Variants in NRP1 observed in about 807,000 individuals in gnomAD.
The protein encoded by NRP1 is neuropilin 1.
Under a neutral mutation model 106.7 loss-of-function variants are expected in NRP1, and 35 were observed. That is an observed-to-expected ratio of 0.33 (90% confidence interval 0.25 to 0.43). The LOEUF (loss-of-function observed/expected upper bound fraction) is 0.43, where lower values mean the gene tolerates loss of function less well. Ranked by LOEUF, NRP1 falls within the 20% of genes least tolerant of loss-of-function variation. The pLI is 1.00. For missense variants in NRP1, 1,024 were observed against 1,170.4 expected (o/e 0.87, Z 1.83); for synonymous variants, 437 against 417.9 (o/e 1.05, Z -0.56).
At chr10:33,334,164 C>T in intron 1 of NRP1, 146 bp downstream of exon 1, 1 of 701,160 alleles carries the variant, frequency 1.4e-6, no homozygotes, top group South Asian at 1.8e-5. Context: ...CTCATTTCTT[C>T]TTCTCTCCTC....
intron 9 of NRP1, among the ~76,000 whole-genome samples, chr10:33,209,793 T>C (rs1838148893): frequency 6.6e-6 from 1 of 152,242 alleles, no homozygotes; most frequent in African/African-American, 2.4e-5. Context: ...CTGATTTTAA[T>C]AGGTGAAAAC....
chr10:33,241,695 G>T (rs1424120276), intron 6 of NRP1, among the ~76,000 whole-genome samples: 1 of 151,100 alleles, frequency 6.6e-6, no homozygotes, highest in African/African-American at 2.4e-5. Flanking sequence ...AGAAAAAATA[G>T]GGCTAAGGCA....
At chr10:33,306,130 A>G (rs1218829408) in intron 2 of NRP1, among the ~76,000 whole-genome samples, 2 of 152,164 alleles carry the variant, frequency 1.3e-5, no homozygotes, top group Non-Finnish European at 2.9e-5. Context: ...GTGATTGTTT[A>G]TATTAATTTG....
At chr10:33,198,149 T>TATTA (rs1836939167) in intron 11 of NRP1, among the ~76,000 whole-genome samples, 2 of 131,990 alleles carry the variant, frequency 1.5e-5, no homozygotes, top group East Asian at 2.9e-4. Context: ...TTTAAATTTT[T>TATTA]TTTTTTTTTT....
intron 2 of NRP1, among the ~76,000 whole-genome samples, chr10:33,272,643 C>A (rs1843387835): frequency 6.6e-6 from 1 of 152,148 alleles, no homozygotes; most frequent in Non-Finnish European, 1.5e-5. Context: ...TTCATTAAAG[C>A]CCCACAAGCT....
At chr10:33,260,985 CAAAAA>C (rs35665366) in intron 4 of NRP1, among the ~76,000 whole-genome samples, 2 of 60,076 alleles carry the variant, frequency 3.3e-5, no homozygotes, top group East Asian at 1.1e-3. Context: ...TGCCATTGAC[CAAAAA>C]AAAAAAAAAA....
intron 12 of NRP1, chr10:33,195,356 A>G (rs1836706014): frequency 2.7e-6 from 1 of 363,812 alleles, no homozygotes; most frequent in Admixed American, 3.6e-5. Flanking sequence ...AAATGTAAGG[A>G]TCCCATCACT....
chr10:33,247,616 C>G (rs991684598), intron 6 of NRP1, among the ~76,000 whole-genome samples: 1 of 152,206 alleles, frequency 6.6e-6, no homozygotes, highest in Non-Finnish European at 1.5e-5. Context: ...CTCCGAATAG[C>G]TGGCATGAGA....
chr10:33,326,964 AT>A lies in NRP1; in HGVS notation c.248+3743del, dbSNP rs1328223581. Among the ~76,000 whole-genome samples the A allele has an allele frequency of 7.2e-3, 1,099 of 152,110 alleles. 24 individuals carry two copies. Among genetic ancestry groups the A allele is most frequent in the African/African-American group, 0.024 (1,011 of 41,518 alleles). The stretch of plus-strand genomic sequence containing the variant: ...AAAACAATAAAAATCTAAATAAAAA[AT>A]TTTTTTTTTTCTACCAGGACTATGT... On this transcript the variant is annotated intron_variant, in intron 2 of 16. Transcript: ENST00000374867.
At chr10:33,218,504 C>A (rs898718207) in intron 8 of NRP1, among the ~76,000 whole-genome samples, 7 of 151,882 alleles carry the variant, frequency 4.6e-5, no homozygotes, top group Admixed American at 3.3e-4. Flanking sequence ...TGCCACCACA[C>A]CTGGGTAATT....
chr10:33,195,677 A>G (rs886514020), intron 12 of NRP1: 4 of 459,256 alleles, frequency 8.7e-6, no homozygotes, highest in Admixed American at 7.6e-5. Context: ...TCAAGTCCCC[A>G]TGCAATATTC....
At chr10:33,326,637 T>C (rs928418339) in intron 2 of NRP1, among the ~76,000 whole-genome samples, 3 of 152,190 alleles carry the variant, frequency 2.0e-5, no homozygotes, top group African/African-American at 4.8e-5. Flanking sequence ...TCTTGTTCAA[T>C]AAAAGAATTA....
intron 13 of NRP1, among the ~76,000 whole-genome samples, chr10:33,189,409 C>G (rs1836256634): frequency 6.6e-6 from 1 of 152,218 alleles, no homozygotes. Context: ...CCTCTTCCGT[C>G]ATCTTTTACA....
chr10:33,254,057 C>T lies in NRP1; in HGVS notation c.952G>A (p.Gly318Arg), dbSNP rs779844067. 43 of 1,612,530 alleles carry T rather than the reference C, an allele frequency of 2.7e-5. No individual in the cohort carries two copies. Among genetic ancestry groups the T allele is most frequent in the African/African-American group, 5.3e-5 (4 of 74,808 alleles). The change falls in exon 6 of 17, where the codon GGA becomes AGA. Residue 318 changes from glycine to arginine, a missense_variant. Coordinates refer to ENST00000374867, the MANE Select transcript of NRP1 (RefSeq NM_003873.7). ...ATCCACTCTCGGTAGGAATCCTCTC[C>T]GGGAGTCCACCCATTCTCAGGGTAG... ...LNYPENGWTP[G>R]EDSYREWIQV...
chr10:33,326,964 ATT>A (rs1328223581), intron 2 of NRP1, among the ~76,000 whole-genome samples: 1 of 152,002 alleles, frequency 6.6e-6, no homozygotes, highest in Non-Finnish European at 1.5e-5. Context: ...TAAATAAAAA[ATT>A]TTTTTTTTTC....
At chr10:33,316,167 TGCAATC>T (rs1847020793) in intron 2 of NRP1, among the ~76,000 whole-genome samples, 1 of 152,200 alleles carries the variant, frequency 6.6e-6, no homozygotes, top group South Asian at 2.1e-4. Flanking sequence ...TGGAGGCTGA[TGCAATC>T]GCTCCAGGGA....
chr10:33,237,531 T>C (rs1415085948), intron 6 of NRP1, among the ~76,000 whole-genome samples: 1 of 149,440 alleles, frequency 6.7e-6, no homozygotes, highest in Non-Finnish European at 1.5e-5. Flanking sequence ...CCCACCCAAT[T>C]GCTTACATTT....
intron 2 of NRP1, among the ~76,000 whole-genome samples, chr10:33,283,620 T>C (rs1440742560): frequency 1.3e-5 from 2 of 152,246 alleles, no homozygotes; most frequent in African/African-American, 4.8e-5. Flanking sequence ...TTTTACATGA[T>C]TTTGTTTCTT....
intron 2 of NRP1, among the ~76,000 whole-genome samples, chr10:33,293,843 A>G (rs1259732497): frequency 2.0e-5 from 3 of 152,228 alleles, no homozygotes; most frequent in Non-Finnish European, 2.9e-5. Context: ...GGATTTTATC[A>G]ATTTCTGAAT....
Sources: gnomAD v4.1 joint callset for allele counts (sites outside exome capture counted in the v4.1 genomes callset) on GRCh38, gnomAD v4.1.1 for gene constraint, MANE v1.5 for transcripts, NCBI Gene and HGNC (gene_info 2026-07-23, HGNC 2026-07-21) for gene names.